The following ARHGAP18 variants were observed in gnomAD, a reference collection of about 807,000 sequenced individuals.
ARHGAP18 encodes rho GTPase-activating protein 18.
In ARHGAP18, 67 loss-of-function variants were observed where a neutral mutation model predicts 86.2. That is an observed-to-expected ratio of 0.78 (90% CI 0.64 to 0.95). ARHGAP18 has a LOEUF of 0.95. Ranked by LOEUF, ARHGAP18 falls within the 40% of genes least tolerant of loss-of-function variation. The pLI, the probability that ARHGAP18 is intolerant of heterozygous loss-of-function variation, is 0.00. For missense variants in ARHGAP18, 691 were observed against 780.4 expected (o/e 0.89, Z 1.37); for synonymous variants, 283 against 280.4 (o/e 1.01, Z -0.09).
intron 1 of ARHGAP18, among the ~76,000 whole-genome samples, chr6:129,648,275 A>AT (rs1346467959): frequency 2.0e-5 from 3 of 151,692 alleles, no homozygotes; most frequent in Non-Finnish European, 4.4e-5. Flanking sequence ...GGCTCAAGCG[A>AT]TCCTCCCAAC....
chr6:129,597,148 A>AT (rs552291727), intron 12 of ARHGAP18, among the ~76,000 whole-genome samples: 5,243 of 143,184 alleles, frequency 0.037, 93 homozygotes, highest in African/African-American at 0.044. Flanking sequence ...ATTGATTAGA[A>AT]TTTTTTTTTT....
intron 1 of ARHGAP18, among the ~76,000 whole-genome samples, chr6:129,675,846 C>T (rs1774223596): frequency 6.6e-6 from 1 of 152,200 alleles, no homozygotes; most frequent in Non-Finnish European, 1.5e-5. Flanking sequence ...AATTCCTACA[C>T]CAAGTTTAGC....
At position 129,578,427 on chromosome 6, in the gene ARHGAP18, G is replaced by C; in HGVS notation, c.*86C>G. On this transcript the variant is annotated 3_prime_UTR_variant, in exon 15 of 15. Coordinates refer to ENST00000368149, the MANE Select transcript of ARHGAP18 (RefSeq NM_033515.3). ...ACTTGGGTACAACTGAATAATATGA[G>C]TCCTGCCATTTCTTTTATTTACACT... The C allele has an allele frequency of 9.5e-7, 1 of 1,053,468 alleles. No homozygotes were observed. 65.3% of individuals were successfully genotyped at this position (1,053,468 alleles called of 1,614,324 possible). A position where few individuals can be genotyped will look rare whatever the true frequency, so the allele number is the denominator to read the frequency against.
chr6:129,680,129 T>C (rs1246693168), intron 1 of ARHGAP18, among the ~76,000 whole-genome samples: 1 of 152,200 alleles, frequency 6.6e-6, no homozygotes, highest in Non-Finnish European at 1.5e-5. Flanking sequence ...TAATCACATC[T>C]GCAAAGACCC....
At chr6:129,661,587 C>T (rs1490987056) in intron 1 of ARHGAP18, among the ~76,000 whole-genome samples, 1 of 151,352 alleles carries the variant, frequency 6.6e-6, no homozygotes, top group Non-Finnish European at 1.5e-5. Flanking sequence ...TTTTACCAAG[C>T]AGCTAACTGA....
At chr6:129,685,246 T>G (rs1774404896) in intron 1 of ARHGAP18, among the ~76,000 whole-genome samples, 1 of 152,104 alleles carries the variant, frequency 6.6e-6, no homozygotes, top group Admixed American at 6.6e-5. Context: ...GTGGCTCACA[T>G]GTGTAATCCC....
rs113861037 is a variant in ARHGAP18 at position 129,611,654 on chromosome 6, A to G, written c.1045-44T>C. ...ACATTCTAATTTCCGTATTTGTAACAGGTACAATTCCGAATTTAACATCTG... is the reference window on the plus strand; with the variant it reads ...ACATTCTAATTTCCGTATTTGTAACGGGTACAATTCCGAATTTAACATCTG... On this transcript the variant is annotated intron_variant, in intron 7 of 14. Coordinates refer to ENST00000368149, the MANE Select transcript of ARHGAP18 (RefSeq NM_033515.3). The G allele has an allele frequency of 4.5e-5, 69 of 1,539,882 alleles. 1 individual carries two copies. In the Middle Eastern group the frequency reaches 6.8e-4, roughly 15 times the overall value.
Position 129,608,061 on chromosome 6 carries a change from CACGAA to C in ARHGAP18, c.1123-14_1123-10del, listed in dbSNP as rs1562687780. 13 of 704,454 alleles carry C rather than the reference CACGAA, an allele frequency of 1.8e-5. No homozygotes were observed. In the South Asian group the frequency reaches 2.5e-4, roughly 13 times the overall value. 43.6% of individuals were successfully genotyped at this position (704,454 alleles called of 1,614,324 possible). ...AGTTCTTGGCAAAGATTCTGATAGG[CACGAA>C]AAAAAAAAAAAAAAAAAAAAGAAGC... is the stretch of plus-strand genomic sequence containing the variant. On this transcript the variant is annotated splice_polypyrimidine_tract_variant and intron_variant, in intron 8 of 14. Coordinates refer to ENST00000368149, the MANE Select transcript of ARHGAP18 (RefSeq NM_033515.3).
chr6:129,604,579 A>T (rs1213576883), intron 10 of ARHGAP18, among the ~76,000 whole-genome samples: 2 of 152,128 alleles, frequency 1.3e-5, no homozygotes, highest in Non-Finnish European at 2.9e-5. Context: ...GACATGTTAG[A>T]TCGTCAGCCC....
chr6:129,700,433 C>T (rs1272741012), intron 1 of ARHGAP18, among the ~76,000 whole-genome samples: 1 of 152,188 alleles, frequency 6.6e-6, no homozygotes, highest in African/African-American at 2.4e-5. Context: ...TACCTTTAAA[C>T]ACTTTTTTAG....
intron 1 of ARHGAP18, among the ~76,000 whole-genome samples, chr6:129,676,763 T>G (rs1177161827): frequency 6.6e-6 from 1 of 152,004 alleles, no homozygotes; most frequent in African/African-American, 2.4e-5. Flanking sequence ...CGCTCCAACC[T>G]GCATTTCCTT....
At position 129,605,938 on chromosome 6, in the gene ARHGAP18, T is replaced by C. The variant is rs202043590; in HGVS notation, c.1304A>G (p.Gln435Arg). The change falls in exon 10 of 15, where the codon CAA becomes CGA. Residue 435 changes from glutamine (Q) to arginine (R), a missense_variant. Coordinates refer to ENST00000368149, the MANE Select transcript of ARHGAP18 (RefSeq NM_033515.3). The part of the protein sequence containing the change: ...AVQNLPTKKQ[Q>R]LQALNLLVIL... ...GACAAGAAGGTTCAAAGCCTGTAGT[T>C]GCTGCTTCTTGGTTGGAAGATCTGC... 6.2e-7 allele frequency: 1 copy of C among 1,613,576 alleles called. No homozygotes were observed. The highest frequency in any genetic ancestry group is 2.2e-5 in the East Asian group (1 of 44,854).
At chr6:129,623,210 T>C (rs1346441594) in intron 5 of ARHGAP18, among the ~76,000 whole-genome samples, 1 of 152,132 alleles carries the variant, frequency 6.6e-6, no homozygotes, top group Non-Finnish European at 1.5e-5. Flanking sequence ...CAGATCACTC[T>C]AGCTTTGACT....
chr6:129,636,733 C>T (rs1346180562), intron 3 of ARHGAP18, among the ~76,000 whole-genome samples: 1 of 152,180 alleles, frequency 6.6e-6, no homozygotes, highest in Non-Finnish European at 1.5e-5. Flanking sequence ...AAAAAATTAG[C>T]TGGGCATGGT....
chr6:129,592,748 A>G (rs1326772728), intron 12 of ARHGAP18, among the ~76,000 whole-genome samples: 1 of 152,176 alleles, frequency 6.6e-6, no homozygotes, highest in Non-Finnish European at 1.5e-5. Context: ...CTAAGTCACA[A>G]TAACCCTGAG....
intron 5 of ARHGAP18, among the ~76,000 whole-genome samples, chr6:129,627,464 C>G (rs895554185): frequency 2.0e-5 from 3 of 151,962 alleles, no homozygotes; most frequent in African/African-American, 7.2e-5. Context: ...GACTCCCCCC[C>G]AAAAAAGTGA....
At chr6:129,635,456 T>C (rs911447790) in intron 3 of ARHGAP18, among the ~76,000 whole-genome samples, 29 of 152,284 alleles carry the variant, frequency 1.9e-4, no homozygotes, top group African/African-American at 6.7e-4. Flanking sequence ...CACAGAGCAG[T>C]CCCATTCTCC....
At chr6:129,625,120 T>TATATATA (rs1789336203) in intron 5 of ARHGAP18, among the ~76,000 whole-genome samples, 4 of 5,938 alleles carry the variant, frequency 6.7e-4, no homozygotes, top group African/African-American at 1.8e-3. Flanking sequence ...ATTATATAGA[T>TATATATA]ATATATTATA....
intron 7 of ARHGAP18, among the ~76,000 whole-genome samples, chr6:129,615,925 TC>T (rs1378521591): frequency 6.6e-6 from 1 of 152,154 alleles, no homozygotes; most frequent in African/African-American, 2.4e-5. Context: ...TATAAGCAGT[TC>T]CCACTCCTAT....
Sources: gnomAD v4.1 joint callset for allele counts (sites outside exome capture counted in the v4.1 genomes callset) on GRCh38, gnomAD v4.1.1 for gene constraint, MANE v1.5 for transcripts, NCBI Gene and HGNC (gene_info 2026-07-23, HGNC 2026-07-21) for gene names.